Variants in RPS8 observed in about 807,000 individuals in gnomAD.
The protein encoded by RPS8 is small ribosomal subunit protein eS8.
For synonymous variants in RPS8, 100 were observed against 100.7 expected, an observed-to-expected ratio of 0.99 and a Z score of 0.04; for missense variants, 141 against 269.7, an observed-to-expected ratio of 0.52 and a Z score of 3.34.
chr1:44,776,649 A>C, intron 2 of RPS8, 26 bp from the exon 3 acceptor site: 1 of 1,600,920 alleles, frequency 6.2e-7, no homozygotes, highest in Non-Finnish European at 8.6e-7. Flanking sequence ...TTGGTAACCT[A>C]GTTCCTGTAA....
At position 44,776,672 on chromosome 1, in the gene RPS8, C is replaced by T. The variant is rs773617525; in HGVS notation, c.112-3C>T. ...CTAGTTCCTGTAACCTTGTGTTTTCCAGATTGGCCCCCGCCGCATCCACAC... is the reference window on the plus strand; with the variant it reads ...CTAGTTCCTGTAACCTTGTGTTTTCTAGATTGGCCCCCGCCGCATCCACAC... On this transcript the variant is annotated splice_polypyrimidine_tract_variant and splice_region_variant and intron_variant, in intron 2 of 5. Coordinates refer to ENST00000396651, the MANE Select transcript of RPS8 (RefSeq NM_001012.2). The T allele has an allele frequency of 1.9e-5, 31 of 1,613,428 alleles. No individual in the cohort carries two copies. The highest frequency in any genetic ancestry group is 1.6e-4 in the Middle Eastern group (1 of 6,082).
At chr1:44,778,427 C>A in intron 5 of RPS8, 149 bp from the exon 6 acceptor site, 1 of 817,658 alleles carries the variant, frequency 1.2e-6, no homozygotes, top group Non-Finnish European at 2.2e-6. Context: ...CTGCTACTGA[C>A]AGTAAGTGAA....
chr1:44,777,508 T>C, intron 3 of RPS8, 106 bp from the exon 4 acceptor site: 1 of 867,448 alleles, frequency 1.2e-6, no homozygotes, highest in Non-Finnish European at 1.9e-6. Flanking sequence ...AGGCTGAGAG[T>C]TCCCTTATTT....
At chr1:44,777,839 G>T in intron 4 of RPS8, 50 bp downstream of exon 4, 2 of 1,597,926 alleles carry the variant, frequency 1.3e-6, no homozygotes, top group Non-Finnish European at 1.7e-6. Flanking sequence ...CCTGACTCCA[G>T]CCTTCTCGTG....
At position 44,776,085 on chromosome 1, in the gene RPS8, A is replaced by G. The variant is rs780653740; in HGVS notation, c.56A>G (p.Lys19Arg). Reference sequence around the variant, plus strand: ...CGCCGCAAAACCGGGGGCAAGAGAAAGCCCTACCACAAGAAGCGGAAGTAT... The same window carrying G: ...CGCCGCAAAACCGGGGGCAAGAGAAGGCCCTACCACAAGAAGCGGAAGTAT... ...HKRRKTGGKR[K>R]PYHKKRKYEL... Residue 19 changes from lysine (K) to arginine (R), a missense_variant, in exon 2 of 6, where the codon AAG becomes AGG. Transcript: ENST00000396651. The G allele has an allele frequency of 1.4e-5, 22 of 1,611,012 alleles. No individual in the cohort carries two copies. The highest frequency in any genetic ancestry group is 1.6e-5 in the Non-Finnish European group (19 of 1,179,264).
intron 2 of RPS8, chr1:44,776,440 T>A (rs1650856179): frequency 2.7e-6 from 2 of 753,922 alleles, no homozygotes; most frequent in African/African-American, 1.7e-5. Flanking sequence ...TTGTTTTTTT[T>A]ACAGAGGCTT....
intron 3 of RPS8, chr1:44,777,001 C>T (rs1245514073): frequency 2.2e-6 from 1 of 453,768 alleles, no homozygotes; most frequent in African/African-American, 2.1e-5. Flanking sequence ...GTGGCTTAGA[C>T]CAAGGCATTT....
intron 5 of RPS8, 131 bp from the exon 6 acceptor site, chr1:44,778,443 AGT>A (rs765268597): frequency 8.4e-6 from 7 of 828,488 alleles, no homozygotes; most frequent in Non-Finnish European, 1.3e-5. Flanking sequence ...GTGAAGATAA[AGT>A]GTGTCTGAGG....
intron 1 of RPS8, 26 bp downstream of exon 1, chr1:44,775,626 G>A: frequency 3.1e-6 from 5 of 1,613,994 alleles, no homozygotes; most frequent in Non-Finnish European, 4.2e-6. Flanking sequence ...CATTGAGGCG[G>A]GTGAAGGGAG....
intron 1 of RPS8, 137 bp from the exon 2 acceptor site, chr1:44,775,897 T>C: frequency 1.1e-6 from 1 of 875,034 alleles, no homozygotes; most frequent in Non-Finnish European, 2.0e-6. Context: ...TGCTGCATAC[T>C]CCCGAGTGCG....
At chr1:44,775,993 G>C in intron 1 of RPS8, 41 bp from the exon 2 acceptor site, 1 of 1,587,818 alleles carries the variant, frequency 6.3e-7, no homozygotes. Context: ...CTAGCACCGA[G>C]TCACAGTGGC....
chr1:44,778,041 A>T lies in RPS8; in HGVS notation c.429A>T (p.Lys143Asn), dbSNP rs1453215486. 1 of 1,613,782 alleles carries T rather than the reference A, an allele frequency of 6.2e-7. No homozygotes were observed. The highest frequency in any genetic ancestry group is 8.5e-7 in the Non-Finnish European group (1 of 1,179,792). ...AGATTTTAAACAAAAAACGATCTAA[A>T]AAAATTCAGAAGAAATATGATGAAA... Reference protein sequence around the residue: ...EEEILNKKRSKKIQKKYDERK... With the variant: ...EEEILNKKRSNKIQKKYDERK... Residue 143 changes from lysine to asparagine, a missense_variant, in exon 5 of 6, where the codon AAA becomes AAT. Physicochemically the swap from Lys to Asn is moderately conservative, Grantham distance 94. Transcript: ENST00000396651.
In RPS8 at chr1:44,776,920, G is replaced by C. The variant is rs546844984; in HGVS notation, c.211+146G>C. On this transcript the variant is annotated intron_variant, in intron 3 of 5. Transcript: ENST00000396651. ...GCGGATCACCTGAGGTCAGGAGTTC[G>C]AGTCCAGCCTGGGCAACAGAGCGAG... The C allele has an allele frequency of 5.4e-5, 31 of 573,618 alleles. No homozygotes were observed. In the South Asian group the frequency reaches 6.9e-4, roughly 13 times the overall value. The allele number at this position is 573,618 out of a possible 1,614,324, so 35.5% of individuals were successfully genotyped here.
rs931483026 is a variant in RPS8, at chr1:44,775,566, T to C, written c.-31T>C. On this transcript the variant is annotated 5_prime_UTR_variant, in exon 1 of 6. Transcript: ENST00000396651. The stretch of plus-strand genomic sequence containing the variant: ...TTTTACAAACCGAACCGTGAATCTT[T>C]GCGGTTTCTCTTTCCAGCCAGCGCC... 6.2e-7 allele frequency: 1 copy of C among 1,614,066 alleles called. No individual in the cohort carries two copies.
chr1:44,775,586 A>C lies in RPS8; in HGVS notation c.-11A>C. 1 of 1,614,138 alleles carries C rather than the reference A, an allele frequency of 6.2e-7. No homozygotes were observed. ...ATCTTTGCGGTTTCTCTTTCCAGCCAGCGCCGAGCGATGGGTGAGTGTCGC... is the reference window on the plus strand; with the variant it reads ...ATCTTTGCGGTTTCTCTTTCCAGCCCGCGCCGAGCGATGGGTGAGTGTCGC... On this transcript the variant is annotated 5_prime_UTR_variant, in exon 1 of 6. Coordinates refer to ENST00000396651, the MANE Select transcript of RPS8 (RefSeq NM_001012.2).
At position 44,776,120 on chromosome 1, in the gene RPS8, C is replaced by T. The variant is rs1172199037; in HGVS notation, c.91C>T (p.Arg31Cys). The T allele has an allele frequency of 5.6e-6, 9 of 1,604,066 alleles. No homozygotes were observed. The highest frequency in any genetic ancestry group is 1.1e-5 in the South Asian group (1 of 90,368). Residue 31 changes from arginine to cysteine, a missense_variant, in exon 2 of 6, where the codon CGC (arginine) becomes TGC (cysteine). Arg to Cys is a radical substitution (Grantham distance 180). Transcript: ENST00000396651. ...YHKKRKYELG[R>C]PAANTKIGPR... ...CAAGAAGCGGAAGTATGAGTTGGGGCGCCCAGCTGCCAACACCAAGGTGGG... is the reference window on the plus strand; with the variant it reads ...CAAGAAGCGGAAGTATGAGTTGGGGTGCCCAGCTGCCAACACCAAGGTGGG...
Position 44,778,185 on chromosome 1 carries a change from C to A in RPS8, c.517+56C>A, listed in dbSNP as rs1299779143. 3 of 1,586,100 alleles carry A rather than the reference C, an allele frequency of 1.9e-6. No individual in the cohort carries two copies. The African/African-American group carries it at 4.1e-5, about 21-fold the overall frequency. ...GTCGCAGAGATTGAGTGTGCCGAGGCACTTTTCCCTTGTCTCAGTTCCTTT... is the reference window on the plus strand; with the variant it reads ...GTCGCAGAGATTGAGTGTGCCGAGGAACTTTTCCCTTGTCTCAGTTCCTTT... On this transcript the variant is annotated intron_variant, in intron 5 of 5. Coordinates refer to ENST00000396651, the MANE Select transcript of RPS8 (RefSeq NM_001012.2).
chr1:44,775,731 C>T, intron 1 of RPS8, 131 bp downstream of exon 1: 1 of 1,273,808 alleles, frequency 7.9e-7, no homozygotes, highest in East Asian at 2.3e-5. Flanking sequence ...GAGTGGTGGC[C>T]CTCGGGTTTC....
In RPS8 at chr1:44,778,048, C is replaced by G. The variant is rs757163051; in HGVS notation, c.436C>G (p.Gln146Glu). The G allele has an allele frequency of 1.4e-5, 23 of 1,613,190 alleles. No homozygotes were observed. Among genetic ancestry groups the G allele is most frequent in the Non-Finnish European group, 1.9e-5 (23 of 1,179,550 alleles). Reference protein sequence around the residue: ...ILNKKRSKKIQKKYDERKKNA... With the variant: ...ILNKKRSKKIEKKYDERKKNA... ...AAACAAAAAACGATCTAAAAAAATT[C>G]AGAAGAAATATGATGAAAGGAAAAA... Residue 146 changes from glutamine to glutamate, a missense_variant, in exon 5 of 6, where the codon CAG (glutamine) becomes GAG (glutamate). Coordinates refer to ENST00000396651, the MANE Select transcript of RPS8 (RefSeq NM_001012.2).
Sources: gnomAD v4.1 joint callset for allele counts on GRCh38, gnomAD v4.1.1 for gene constraint, MANE v1.5 for transcripts, NCBI Gene and HGNC (gene_info 2026-07-23, HGNC 2026-07-21) for gene names.